The following CAMTA1 variants were observed in gnomAD, a reference collection of about 807,000 sequenced individuals.
CAMTA1 encodes calmodulin binding transcription activator 1, also known as calmodulin-binding transcription activator 1.
CAMTA1 carries 27 observed loss-of-function variants against 170.9 expected under a neutral mutation model. The ratio of observed to expected loss-of-function variants is 0.16; its 90% CI spans 0.12 to 0.22. The LOEUF (loss-of-function observed/expected upper bound fraction) is 0.22. Among genes scored for constraint, CAMTA1 ranks in the 10% least tolerant of loss-of-function variants. CAMTA1 has a pLI of 1.00. For missense variants in CAMTA1, 1,619 were observed against 2,217.2 expected, an observed-to-expected ratio of 0.73 and a Z score of 5.42; for synonymous variants, 833 against 891.5, an observed-to-expected ratio of 0.93 and a Z score of 1.17.
chr1:6,786,171 G>T (rs1373707965), intron 1 of CAMTA1, among the ~76,000 whole-genome samples: 3 of 151,912 alleles, frequency 2.0e-5, no homozygotes, highest in Admixed American at 6.5e-5. Flanking sequence ...CGGGCGGGGG[G>T]TCCCCGAGCT....
chr1:6,862,919 A>C (rs1166389600), intron 3 of CAMTA1, among the ~76,000 whole-genome samples: 2 of 152,238 alleles, frequency 1.3e-5, no homozygotes, highest in Non-Finnish European at 2.9e-5. Context: ...CCCAAAAAAG[A>C]TAACTATTTT....
chr1:7,116,264 A>G (rs1301376542), intron 4 of CAMTA1, among the ~76,000 whole-genome samples: 7 of 152,204 alleles, frequency 4.6e-5, no homozygotes, highest in Admixed American at 2.6e-4. Flanking sequence ...AAAATCACTT[A>G]AAGTAGGGAA....
intron 3 of CAMTA1, among the ~76,000 whole-genome samples, chr1:6,895,854 G>A (rs919657572): frequency 5.3e-5 from 8 of 152,134 alleles, no homozygotes; most frequent in South Asian, 2.1e-4. Flanking sequence ...GGTTTTTTTC[G>A]TAGCATTTAT....
chr1:7,261,425 A>G (rs1484037947), intron 5 of CAMTA1, among the ~76,000 whole-genome samples: 1 of 152,160 alleles, frequency 6.6e-6, no homozygotes, highest in Admixed American at 6.5e-5. Context: ...AAATTTCCTA[A>G]CAGATTGGGT....
intron 4 of CAMTA1, among the ~76,000 whole-genome samples, chr1:7,215,353 C>CA (rs937780869): frequency 1.6e-4 from 24 of 152,070 alleles, no homozygotes; most frequent in African/African-American, 5.6e-4. Context: ...TCAGTCCGAC[C>CA]ACTGTTTTAA....
intron 5 of CAMTA1, among the ~76,000 whole-genome samples, chr1:7,328,676 T>C (rs2082843774): frequency 6.6e-6 from 1 of 152,160 alleles, no homozygotes; most frequent in Non-Finnish European, 1.5e-5. Context: ...GTAATATCTT[T>C]TTATTTGTCT....
intron 5 of CAMTA1, among the ~76,000 whole-genome samples, chr1:7,450,392 C>A (rs2092794179): frequency 6.6e-6 from 1 of 152,192 alleles, no homozygotes; most frequent in Non-Finnish European, 1.5e-5. Context: ...TGGCATCAGG[C>A]AAAGGATTTC....
Position 7,288,970 on chromosome 1 carries a change from C to T in CAMTA1, c.438+39344C>T, listed in dbSNP as rs1480438197. On this transcript the variant is annotated intron_variant, in intron 5 of 22. Coordinates refer to ENST00000303635, the MANE Select transcript of CAMTA1 (RefSeq NM_015215.4). ...CTGGTTCCACAGGCTGCACAGGAAG[C>T]ATGATTCTGGTATCTTCTTGGCTTC... Among the ~76,000 whole-genome samples the T allele has an allele frequency of 2.6e-5, 4 of 152,128 alleles. No homozygotes were observed. The East Asian group carries it at 5.8e-4, about 22-fold the overall frequency.
intron 4 of CAMTA1, among the ~76,000 whole-genome samples, chr1:7,175,410 A>G (rs2148850866): frequency 6.6e-6 from 1 of 152,382 alleles, no homozygotes; most frequent in South Asian, 2.1e-4. Flanking sequence ...CAAGAAAGCC[A>G]GAGTATCTTG....
rs539141684 is a variant in CAMTA1 at position 7,113,558 on chromosome 1, A to G, written c.302+22187A>G. 6.6e-6 allele frequency among the ~76,000 whole-genome samples: 1 copy of G among 152,314 alleles called. No homozygotes were observed. The highest frequency in any genetic ancestry group is 1.5e-5 in the Non-Finnish European group (1 of 68,014). On this transcript the variant is annotated intron_variant, in intron 4 of 22. Coordinates refer to ENST00000303635, the MANE Select transcript of CAMTA1 (RefSeq NM_015215.4). The surrounding 1 kb of genome is among the most constrained non-coding windows in gnomAD (Gnocchi z 4.5). ...CAACAGGCAGACCAGGGCAGTGCCT[A>G]TTTATTCATGGCATTTCACATCATA...
At chr1:7,402,218 A>C (rs1214958151) in intron 5 of CAMTA1, among the ~76,000 whole-genome samples, 1 of 152,196 alleles carries the variant, frequency 6.6e-6, no homozygotes, top group Non-Finnish European at 1.5e-5. Context: ...GTCAGGAGAC[A>C]GCTGCTCACA....
intron 3 of CAMTA1, among the ~76,000 whole-genome samples, chr1:6,826,248 A>C (rs17441375): frequency 0.12 from 18,517 of 152,182 alleles, 1,689 homozygotes; most frequent in Admixed American, 0.28. Context: ...ACTCACTGGA[A>C]CCTTACAGCT....
chr1:7,294,253 T>G (rs1007027331), intron 5 of CAMTA1, among the ~76,000 whole-genome samples: 2 of 152,158 alleles, frequency 1.3e-5, no homozygotes, highest in African/African-American at 4.8e-5. Flanking sequence ...TTTCAGGGGT[T>G]TACGCTGTTT....
At chr1:7,698,074 A>ACCCCCCCCCCCCC (rs55893283) in intron 11 of CAMTA1, among the ~76,000 whole-genome samples, 12 of 98,638 alleles carry the variant, frequency 1.2e-4, no homozygotes, top group Non-Finnish European at 1.3e-4. Context: ...ACGCACTGTG[A>ACCCCCCCCCCCCC]CCCCCCCCCC....
intron 4 of CAMTA1, chr1:7,219,316 C>T (rs1419692765): frequency 1.3e-5 from 2 of 151,964 alleles, no homozygotes; most frequent in Non-Finnish European, 1.5e-5. Flanking sequence ...GTGGCTGTTA[C>T]ATTGTGTATA....
At chr1:7,222,862 G>A (rs1162206627) in intron 4 of CAMTA1, among the ~76,000 whole-genome samples, 4 of 152,232 alleles carry the variant, frequency 2.6e-5, no homozygotes, top group African/African-American at 9.6e-5. Context: ...GCTAAGCCTA[G>A]CTTCCTCTTC....
chr1:6,922,246 G>A (rs1416258592), intron 3 of CAMTA1, among the ~76,000 whole-genome samples: 1 of 152,264 alleles, frequency 6.6e-6, no homozygotes, highest in African/African-American at 2.4e-5. Flanking sequence ...AAAAGCAGGT[G>A]CAGAGGGAAG....
chr1:6,888,468 G>A (rs1054744843), intron 3 of CAMTA1, among the ~76,000 whole-genome samples: 1 of 152,146 alleles, frequency 6.6e-6, no homozygotes, highest in Non-Finnish European at 1.5e-5. Flanking sequence ...AGAAACATGA[G>A]TCATGTCTCT....
At chr1:7,127,224 G>A (rs1191785061) in intron 4 of CAMTA1, among the ~76,000 whole-genome samples, 2 of 151,224 alleles carry the variant, frequency 1.3e-5, no homozygotes, top group African/African-American at 4.9e-5. Flanking sequence ...GTGGCTCCAG[G>A]GGTGAAGGGA....
Sources: allele counts gnomAD v4.1 joint callset (sites outside exome capture counted in the v4.1 genomes callset), GRCh38; gene constraint gnomAD v4.1.1; non-coding constraint Gnocchi (gnomAD v3.1); transcripts MANE v1.5; gene names NCBI Gene and HGNC (gene_info 2026-07-23, HGNC 2026-07-21).